Variants in SETD5 observed in about 807,000 individuals in gnomAD.
SETD5 encodes the protein histone-lysine N-methyltransferase SETD5.
SETD5 carries 44 observed loss-of-function variants against 153.3 expected under a neutral mutation model. That is an observed-to-expected ratio of 0.29 (90% CI 0.23 to 0.37). SETD5 has a LOEUF of 0.37. Ranked by LOEUF, SETD5 falls within the 10% of genes least tolerant of loss-of-function variation. SETD5 has a pLI of 1.00. For synonymous variants in SETD5, 716 were observed against 645.2 expected (o/e 1.11, Z -1.66); for missense variants, 1,544 against 1,768.0 (o/e 0.87, Z 2.27).
At chr3:9,454,416 C>T (rs1331489459) in intron 17 of SETD5, among the ~76,000 whole-genome samples, 3 of 151,800 alleles carry the variant, frequency 2.0e-5, no homozygotes, top group South Asian at 2.1e-4. Flanking sequence ...GTCAGGAGTT[C>T]GAGACCAACG....
At chr3:9,448,331 T>C (rs2042250440) in intron 15 of SETD5, 57 bp from the exon 16 acceptor site, 2 of 1,574,838 alleles carry the variant, frequency 1.3e-6, no homozygotes, top group African/African-American at 2.7e-5. Flanking sequence ...CGTTTGTCTT[T>C]ATGAACTACA....
intron 3 of SETD5, chr3:9,432,455 G>T: frequency 9.2e-6 from 2 of 216,824 alleles, no homozygotes; most frequent in Non-Finnish European, 7.9e-6. Context: ...AAAATGACTT[G>T]TTATTTCAAG....
At chr3:9,431,009 T>G in intron 3 of SETD5, 1 of 985,416 alleles carries the variant, frequency 1.0e-6, no homozygotes, top group Non-Finnish European at 1.2e-6. Flanking sequence ...GTTAAATTAT[T>G]AATGATATTT....
intron 8 of SETD5, among the ~76,000 whole-genome samples, chr3:9,441,188 G>A (rs983263497): frequency 3.9e-5 from 6 of 152,162 alleles, no homozygotes; most frequent in Non-Finnish European, 8.8e-5. Flanking sequence ...CAGCCTGAAT[G>A]AAAGAGTGAG....
intron 1 of SETD5, among the ~76,000 whole-genome samples, chr3:9,399,631 G>A (rs528917147): frequency 1.3e-5 from 2 of 152,256 alleles, no homozygotes; most frequent in African/African-American, 4.8e-5. Flanking sequence ...TTAGATTGTA[G>A]AGTGCTTGGG....
chr3:9,404,086 C>G (rs1221624276), intron 1 of SETD5, among the ~76,000 whole-genome samples: 1 of 151,924 alleles, frequency 6.6e-6, no homozygotes, highest in African/African-American at 2.4e-5. Flanking sequence ...AACAGTTTTC[C>G]AAGAGCACAT....
At chr3:9,432,065 G>T (rs1441695263) in intron 3 of SETD5, among the ~76,000 whole-genome samples, 3 of 151,716 alleles carry the variant, frequency 2.0e-5, no homozygotes, top group African/African-American at 7.3e-5. Flanking sequence ...GTTTCATTTA[G>T]GAAACCCCAC....
Position 9,432,087 on chromosome 3 carries a change from T to C in SETD5, c.72-1758T>C, listed in dbSNP as rs536511671. Among the ~76,000 whole-genome samples the C allele has an allele frequency of 4.6e-5, 7 of 152,270 alleles. No individual in the cohort carries two copies. In the East Asian group the frequency reaches 1.4e-3, roughly 29 times the overall value. On this transcript the variant is annotated intron_variant, in intron 3 of 22. Transcript: ENST00000402198. Reference sequence around the variant, plus strand: ...TTAGGAAACCCCACCTGTTTCCTAATACTCAGAGATGATTGCCTCTCAGTG... The same window carrying C: ...TTAGGAAACCCCACCTGTTTCCTAACACTCAGAGATGATTGCCTCTCAGTG...
chr3:9,456,454 C>G (rs1024814286), intron 17 of SETD5, among the ~76,000 whole-genome samples: 5 of 140,112 alleles, frequency 3.6e-5, no homozygotes, highest in African/African-American at 1.4e-4. Context: ...GCCTGGGTGA[C>G]GGAGGGAGAT....
At chr3:9,433,527 G>C (rs1056884139) in intron 3 of SETD5, 1 of 1,294,104 alleles carries the variant, frequency 7.7e-7, no homozygotes, top group African/African-American at 1.5e-5. Context: ...AACCAGCCCA[G>C]AGTGGCTTCT....
Position 9,463,610 on chromosome 3 carries a change from G to A in SETD5, c.2477-815G>A, listed in dbSNP as rs375471264. 8.5e-4 allele frequency among the ~76,000 whole-genome samples: 130 copies of A among 152,254 alleles called. 1 individual carries two copies. Among genetic ancestry groups the A allele is most frequent in the African/African-American group, 2.7e-3 (114 of 41,530 alleles). ...TGTGAACCTAATTTTTTAATGGTTGGGAGAAGTTTTTGTAGAAATCATTTC... is the reference window on the plus strand; with the variant it reads ...TGTGAACCTAATTTTTTAATGGTTGAGAGAAGTTTTTGTAGAAATCATTTC... On this transcript the variant is annotated intron_variant, in intron 17 of 22. Transcript: ENST00000402198.
chr3:9,402,410 T>C (rs1338391189), intron 1 of SETD5, among the ~76,000 whole-genome samples: 5 of 152,176 alleles, frequency 3.3e-5, no homozygotes, highest in African/African-American at 4.8e-5. Flanking sequence ...ATCATATTGA[T>C]TTTGTTTGCT....
intron 20 of SETD5, among the ~76,000 whole-genome samples, chr3:9,473,876 C>G (rs912579619): frequency 6.6e-6 from 1 of 152,174 alleles, no homozygotes; most frequent in African/African-American, 2.4e-5. Flanking sequence ...AGCCAAGTTC[C>G]ACATGAATTA....
At chr3:9,466,148 C>T (rs936711913) in intron 18 of SETD5, among the ~76,000 whole-genome samples, 22 of 151,820 alleles carry the variant, frequency 1.4e-4, no homozygotes, top group African/African-American at 4.8e-4. Context: ...ATTAGCCGGG[C>T]GTGGTAGTGG....
At chr3:9,445,589 A>G in intron 12 of SETD5, 68 bp from the exon 13 acceptor site, 2 of 1,366,048 alleles carry the variant, frequency 1.5e-6, no homozygotes, top group Non-Finnish European at 2.1e-6. Flanking sequence ...GTTTTAAGCT[A>G]CCAGAATAAA....
intron 1 of SETD5, among the ~76,000 whole-genome samples, chr3:9,421,112 T>G (rs996900820): frequency 2.0e-5 from 3 of 152,060 alleles, no homozygotes; most frequent in African/African-American, 7.3e-5. Context: ...AGACATTCTA[T>G]GAATTGCCTG....
intron 16 of SETD5, among the ~76,000 whole-genome samples, chr3:9,453,482 G>A (rs1161933740): frequency 6.6e-6 from 1 of 152,134 alleles, no homozygotes; most frequent in Non-Finnish European, 1.5e-5. Flanking sequence ...AAGTTGAATA[G>A]CAGTCATTTT....
chr3:9,466,499 G>A (rs962628804), intron 18 of SETD5, among the ~76,000 whole-genome samples: 4 of 151,898 alleles, frequency 2.6e-5, no homozygotes, highest in African/African-American at 9.7e-5. Context: ...TAGAATACCA[G>A]GAGGGAAGGA....
At chr3:9,443,258 G>T in intron 10 of SETD5, 50 bp from the exon 11 acceptor site, 1 of 1,338,280 alleles carries the variant, frequency 7.5e-7, no homozygotes, top group Non-Finnish European at 1.0e-6. Flanking sequence ...CTCTCTTACG[G>T]AAAGTTCATG....
Sources: allele counts gnomAD v4.1 joint callset (sites outside exome capture counted in the v4.1 genomes callset), GRCh38; gene constraint gnomAD v4.1.1; transcripts MANE v1.5; gene names NCBI Gene and HGNC (gene_info 2026-07-23, HGNC 2026-07-21).